The following NEBL variants were observed in gnomAD, a reference collection of about 807,000 sequenced individuals.
NEBL encodes nebulette.
Under a neutral mutation model 140.2 loss-of-function variants are expected in NEBL, and 122 were observed. That is an observed-to-expected ratio of 0.87 (90% CI 0.75 to 1.01). The LOEUF (loss-of-function observed/expected upper bound fraction) is 1.01. Ranked by LOEUF, NEBL falls within the 50% of genes least tolerant of loss-of-function variation. The pLI, the probability that NEBL is intolerant of heterozygous loss-of-function variation, is 0.00. For missense variants in NEBL, 1,365 were observed against 1,231.3 expected (o/e 1.11, Z -1.62); for synonymous variants, 436 against 398.9 (o/e 1.09, Z -1.11).
chr10:20,973,247 CTTT>C (rs201974015), intron 3 of NEBL, among the ~76,000 whole-genome samples: 1 of 139,382 alleles, frequency 7.2e-6, no homozygotes. Context: ...TTACCTTTTT[CTTT>C]TTTTTTTTTT....
At chr10:21,110,095 T>C (rs1837922632) in intron 2 of NEBL, among the ~76,000 whole-genome samples, 1 of 152,168 alleles carries the variant, frequency 6.6e-6, no homozygotes, top group Non-Finnish European at 1.5e-5. Context: ...ATTGTGATGT[T>C]AGGGTGTCTA....
intron 2 of NEBL, among the ~76,000 whole-genome samples, chr10:20,891,424 T>A (rs1158638012): frequency 6.6e-6 from 1 of 152,348 alleles, no homozygotes; most frequent in South Asian, 2.1e-4. Context: ...GAGAAAAAAG[T>A]ATCTCCGTTA....
At chr10:21,033,694 T>G (rs1364901055) in intron 2 of NEBL, among the ~76,000 whole-genome samples, 1 of 149,012 alleles carries the variant, frequency 6.7e-6, no homozygotes, top group African/African-American at 2.5e-5. Flanking sequence ...GAGTCAAGAT[T>G]GCACCACTGC....
At chr10:20,947,303 G>T (rs781612821) in intron 4 of NEBL, among the ~76,000 whole-genome samples, 1 of 152,108 alleles carries the variant, frequency 6.6e-6, no homozygotes, top group African/African-American at 2.4e-5. Context: ...TATTCAGGCA[G>T]CACAGATTTA....
intron 2 of NEBL, among the ~76,000 whole-genome samples, chr10:21,037,377 A>G (rs959865030): frequency 6.6e-6 from 1 of 152,228 alleles, no homozygotes; most frequent in Non-Finnish European, 1.5e-5. Flanking sequence ...AGGATATGAC[A>G]TTACATGATT....
At chr10:21,007,702 C>T (rs1564478184) in intron 3 of NEBL, among the ~76,000 whole-genome samples, 1 of 152,060 alleles carries the variant, frequency 6.6e-6, no homozygotes, top group Non-Finnish European at 1.5e-5. Context: ...CATAAAAAAC[C>T]TTAAATTAAT....
chr10:21,003,786 A>T (rs1838005041), intron 3 of NEBL, among the ~76,000 whole-genome samples: 1 of 152,224 alleles, frequency 6.6e-6, no homozygotes, highest in Non-Finnish European at 1.5e-5. Context: ...TTTTCATAGG[A>T]ACTAGCCTTT....
chr10:20,869,905 T>A (rs1011772639), intron 5 of NEBL, 64 bp from the exon 6 acceptor site: 1 of 1,043,202 alleles, frequency 9.6e-7, no homozygotes. Flanking sequence ...CTACTAGTCT[T>A]AGTGTTCATA....
intron 2 of NEBL, among the ~76,000 whole-genome samples, chr10:21,056,524 T>C (rs1249793025): frequency 1.3e-5 from 2 of 152,176 alleles, no homozygotes; most frequent in East Asian, 3.9e-4. Context: ...ACAACCATTT[T>C]GAAACACAAA....
chr10:21,288,849 T>TATATATATATATATATATA (rs1216184030), intron 1 of NEBL, among the ~76,000 whole-genome samples: 2 of 88,898 alleles, frequency 2.2e-5, no homozygotes, highest in African/African-American at 1.0e-4. Context: ...TATATATATA[T>TATATATATATATATATATA]AAAAATTTTT....
Position 20,852,530 on chromosome 10 carries a change from C to G in NEBL, c.1008+15G>C, listed in dbSNP as rs375728589. 1.9e-6 allele frequency: 3 copies of G among 1,589,272 alleles called. No individual in the cohort carries two copies. The highest frequency in any genetic ancestry group is 2.2e-5 in the East Asian group (1 of 44,728). ...GCTGGCAGGGAGGGTAGGTACCGTA[C>G]GGGCAAGTGTGTACCTGACTTTGGA... On this transcript the variant is annotated intron_variant, in intron 10 of 27. Transcript: ENST00000377122.
At chr10:21,255,868 G>T (rs1243644096) in intron 1 of NEBL, among the ~76,000 whole-genome samples, 1 of 151,710 alleles carries the variant, frequency 6.6e-6, no homozygotes, top group African/African-American at 2.4e-5. Context: ...GTGGGTCCCA[G>T]CTACTCGGGA....
In NEBL at chr10:21,071,906, T is replaced by C. The variant is rs2131905952; in HGVS notation, c.165-51705A>G. Among the ~76,000 whole-genome samples the C allele has an allele frequency of 2.0e-5, 3 of 152,170 alleles. No individual in the cohort carries two copies. In the Middle Eastern group the frequency reaches 0.01, roughly 518 times the overall value. Reference sequence around the variant, plus strand: ...CAATCTTGGCTCACTGCAGCCTCTGTCTCCTGGGTTCAAGCAATTCTCATG... The same window carrying C: ...CAATCTTGGCTCACTGCAGCCTCTGCCTCCTGGGTTCAAGCAATTCTCATG... On this transcript the variant is annotated intron_variant, in intron 2 of 6. Transcript: ENST00000417816.
Position 21,022,213 on chromosome 10 carries a change from C to T in NEBL, c.165-2012G>A, listed in dbSNP as rs376396934. Among the ~76,000 whole-genome samples, 50 of 152,304 alleles carry T rather than the reference C, an allele frequency of 3.3e-4. No homozygotes were observed. In the East Asian group the frequency reaches 9.3e-3, roughly 28 times the overall value. On this transcript the variant is annotated intron_variant, in intron 2 of 6. Transcript: ENST00000417816. Reference sequence around the variant, plus strand: ...AGCTGCTCCTCAAAGAACATCCTCCCTGTTTGCTTCTTTCTAGCCCCTCTC... The same window carrying T: ...AGCTGCTCCTCAAAGAACATCCTCCTTGTTTGCTTCTTTCTAGCCCCTCTC...
chr10:21,185,274 G>T (rs1253207133), intron 3 of NEBL, among the ~76,000 whole-genome samples: 3 of 152,110 alleles, frequency 2.0e-5, no homozygotes, highest in Non-Finnish European at 4.4e-5. Flanking sequence ...AAGAGTGAAA[G>T]GGCATGAAAA....
chr10:20,815,528 T>G, intron 22 of NEBL, 97 bp downstream of exon 22: 1 of 1,023,436 alleles, frequency 9.8e-7, no homozygotes, highest in Non-Finnish European at 1.5e-6. Context: ...AAATGTTTCT[T>G]GAAAATAAGT....
chr10:20,818,094 T>C (rs974089527), intron 20 of NEBL, among the ~76,000 whole-genome samples: 1 of 152,152 alleles, frequency 6.6e-6, no homozygotes, highest in African/African-American at 2.4e-5. Context: ...CTCCCTTCAA[T>C]AGAAGCTAAA....
intron 13 of NEBL, among the ~76,000 whole-genome samples, chr10:20,839,682 C>A (rs1398047301): frequency 6.6e-6 from 1 of 152,126 alleles, no homozygotes; most frequent in Non-Finnish European, 1.5e-5. Flanking sequence ...ACTACCTCAA[C>A]AAATGGGTGA....
rs1228276215 is a variant in NEBL at position 21,173,232 on chromosome 10, C to G, written c.69+533G>C. On this transcript the variant is annotated intron_variant, in intron 1 of 6. Coordinates refer to the NEBL transcript ENST00000417816. The surrounding 1 kb of genome is among the most constrained non-coding windows in gnomAD (Gnocchi z 5.7). Reference sequence around the variant, plus strand: ...TTAGACACCCGTGGGTCCGGCTTGCCGCGCTGAGCCGGAGCTCTCCAGCAG... The same window carrying G: ...TTAGACACCCGTGGGTCCGGCTTGCGGCGCTGAGCCGGAGCTCTCCAGCAG... Among the ~76,000 whole-genome samples the G allele has an allele frequency of 6.6e-6, 1 of 152,226 alleles. No homozygotes were observed. Among genetic ancestry groups the G allele is most frequent in the East Asian group, 1.9e-4 (1 of 5,188 alleles).
Sources: allele counts gnomAD v4.1 joint callset (sites outside exome capture counted in the v4.1 genomes callset), GRCh38; gene constraint gnomAD v4.1.1; non-coding constraint Gnocchi (gnomAD v3.1); transcripts MANE v1.5; gene names NCBI Gene and HGNC (gene_info 2026-07-23, HGNC 2026-07-21).